The following PIP5K1B variants were observed in gnomAD, a reference collection of about 807,000 sequenced individuals.
PIP5K1B encodes the protein phosphatidylinositol-4-phosphate 5-kinase type 1 beta.
Under a neutral mutation model 67.0 loss-of-function variants are expected in PIP5K1B, and 42 were observed. That is an observed-to-expected ratio of 0.63 (90% CI 0.49 to 0.81). The LOEUF (loss-of-function observed/expected upper bound fraction) is 0.81. Ranked by LOEUF, PIP5K1B falls within the 30% of genes least tolerant of loss-of-function variation. The probability of loss-of-function intolerance (pLI) is 0.00; values close to 1 mark genes in which losing one functional copy is unlikely to be tolerated. For missense variants in PIP5K1B, 459 were observed against 646.3 expected (o/e 0.71, Z 3.14); for synonymous variants, 214 against 231.4 (o/e 0.92, Z 0.68).
intron 14 of PIP5K1B, among the ~76,000 whole-genome samples, chr9:68,988,443 G>GA (rs1564296336): frequency 8.4e-6 from 1 of 119,058 alleles, no homozygotes; most frequent in East Asian, 2.5e-4. Context: ...GTTTTTTTGG[G>GA]GTTTTTTTTT....
intron 6 of PIP5K1B, among the ~76,000 whole-genome samples, chr9:68,878,506 A>G (rs747911419): frequency 1.3e-5 from 2 of 152,224 alleles, no homozygotes; most frequent in Non-Finnish European, 2.9e-5. Context: ...GGAGCATAAG[A>G]ATCTAAGCTC....
At chr9:68,970,834 A>G (rs1829324586) in intron 14 of PIP5K1B, among the ~76,000 whole-genome samples, 1 of 152,208 alleles carries the variant, frequency 6.6e-6, no homozygotes, top group Admixed American at 6.5e-5. Context: ...AGTGACTCCA[A>G]TGGAAGCAGC....
chr9:68,740,773 A>G (rs975504579), intron 1 of PIP5K1B, among the ~76,000 whole-genome samples: 5 of 152,250 alleles, frequency 3.3e-5, no homozygotes, highest in African/African-American at 1.2e-4. Context: ...TATGAAGTTC[A>G]TTAGTCTCTG....
Position 68,948,015 on chromosome 9 carries a change from A to G in PIP5K1B, c.1502+7225A>G, listed in dbSNP as rs150507373. On this transcript the variant is annotated intron_variant, in intron 14 of 15. Transcript: ENST00000265382. ...ACAAAACATTTCTGCTTTATTACCAATACATCATTTGTGAACCCACCACCC... is the reference window on the plus strand; with the variant it reads ...ACAAAACATTTCTGCTTTATTACCAGTACATCATTTGTGAACCCACCACCC... 3.9e-4 allele frequency among the ~76,000 whole-genome samples: 59 copies of G among 152,262 alleles called. 2 individuals are homozygous for G. In the East Asian group the frequency reaches 0.011, roughly 27 times the overall value.
chr9:68,893,125 A>G (rs1824883674), intron 7 of PIP5K1B, among the ~76,000 whole-genome samples: 1 of 152,098 alleles, frequency 6.6e-6, no homozygotes, highest in Non-Finnish European at 1.5e-5. Context: ...AACCAAAAAT[A>G]CCAGACACAA....
chr9:68,903,027 G>T (rs1374315032), intron 8 of PIP5K1B, among the ~76,000 whole-genome samples: 1 of 152,196 alleles, frequency 6.6e-6, no homozygotes, highest in African/African-American at 2.4e-5. Context: ...AGTTTAACGT[G>T]TGTGTTTCTA....
chr9:68,895,001 G>A (rs937533344), intron 8 of PIP5K1B, among the ~76,000 whole-genome samples: 9 of 152,256 alleles, frequency 5.9e-5, no homozygotes, highest in Admixed American at 3.9e-4. Flanking sequence ...AAGAAAAGCC[G>A]TATAGAAATC....
chr9:68,854,866 C>T (rs1822688720), intron 4 of PIP5K1B, among the ~76,000 whole-genome samples: 3 of 152,130 alleles, frequency 2.0e-5, no homozygotes, highest in African/African-American at 7.2e-5. Context: ...TGGATATGTA[C>T]ACGTGTACTT....
chr9:68,775,260 A>T (rs1042832588), intron 2 of PIP5K1B, among the ~76,000 whole-genome samples: 1 of 152,222 alleles, frequency 6.6e-6, no homozygotes, highest in Admixed American at 6.5e-5. Context: ...AAACTAGCAC[A>T]TATTTCTTTT....
intron 2 of PIP5K1B, among the ~76,000 whole-genome samples, chr9:68,817,053 T>C (rs1340375803): frequency 6.6e-6 from 1 of 152,224 alleles, no homozygotes; most frequent in Non-Finnish European, 1.5e-5. Flanking sequence ...GTCTCACAAA[T>C]TGTTTATAAA....
chr9:68,757,700 TACTC>T (rs1188890930), intron 2 of PIP5K1B, among the ~76,000 whole-genome samples: 2 of 152,184 alleles, frequency 1.3e-5, no homozygotes, highest in Admixed American at 6.5e-5. Context: ...TAAAAACTGA[TACTC>T]ATTTAGTTAT....
chr9:68,847,413 TTGTGTGTGTGTGTGTG>T lies in PIP5K1B; in HGVS notation c.70-16388_70-16373del, dbSNP rs777818994. ...TAAATCAGCAACAACAGCAGTGGTT[TTGTGTGTGTGTGTGTG>T]TGTGTGTGTGTGTGTGTGTGTGTGT... On this transcript the variant is annotated intron_variant, in intron 4 of 15. Transcript: ENST00000265382. 1.7e-3 allele frequency among the ~76,000 whole-genome samples: 174 copies of T among 101,646 alleles called. 3 individuals carry two copies. Among genetic ancestry groups the T allele is most frequent in the African/African-American group, 5.1e-3 (132 of 25,946 alleles). 66.7% of individuals were successfully genotyped at this position (101,646 alleles called of 152,430 possible).
intron 4 of PIP5K1B, 107 bp from the exon 5 acceptor site, chr9:68,863,730 T>G: frequency 1.1e-6 from 1 of 918,276 alleles, no homozygotes; most frequent in Non-Finnish European, 1.6e-6. Flanking sequence ...TCGTCATTGT[T>G]TTGGAGCAAG....
chr9:68,984,887 A>G (rs910221979), intron 14 of PIP5K1B, among the ~76,000 whole-genome samples: 6 of 152,240 alleles, frequency 3.9e-5, no homozygotes, highest in Non-Finnish European at 8.8e-5. Flanking sequence ...GTTAGCAGCA[A>G]TGACTGTAAA....
intron 8 of PIP5K1B, among the ~76,000 whole-genome samples, chr9:68,915,603 C>G (rs567587341): frequency 1.3e-5 from 2 of 152,240 alleles, no homozygotes; most frequent in South Asian, 4.2e-4. Context: ...GAAGGATTTC[C>G]TATCACCCCT....
chr9:68,762,233 A>G (rs1830217765), intron 2 of PIP5K1B, among the ~76,000 whole-genome samples: 1 of 152,082 alleles, frequency 6.6e-6, no homozygotes, highest in Non-Finnish European at 1.5e-5. Flanking sequence ...GCATTATCTA[A>G]GCTTAATTTT....
intron 14 of PIP5K1B, among the ~76,000 whole-genome samples, chr9:68,955,360 T>C (rs754078817): frequency 4.6e-5 from 7 of 152,368 alleles, no homozygotes; most frequent in Non-Finnish European, 1.0e-4. Flanking sequence ...CATCTGACTT[T>C]TCAAGTGCAA....
intron 14 of PIP5K1B, among the ~76,000 whole-genome samples, chr9:68,971,501 T>C (rs1829367718): frequency 6.6e-6 from 1 of 152,238 alleles, no homozygotes; most frequent in Admixed American, 6.5e-5. Flanking sequence ...ATCCTTATGG[T>C]ATATACCCAG....
chr9:68,958,475 T>C (rs1828518443), intron 14 of PIP5K1B, among the ~76,000 whole-genome samples: 1 of 152,184 alleles, frequency 6.6e-6, no homozygotes, highest in Admixed American at 6.5e-5. Context: ...TGGAAATGGA[T>C]TTGAAACAGA....
Sources: gnomAD v4.1 joint callset for allele counts (sites outside exome capture counted in the v4.1 genomes callset) on GRCh38, gnomAD v4.1.1 for gene constraint, MANE v1.5 for transcripts, NCBI Gene and HGNC (gene_info 2026-07-23, HGNC 2026-07-21) for gene names.